The following SLC39A13 variants were observed in gnomAD, a reference collection of about 807,000 sequenced individuals.
SLC39A13 encodes the protein solute carrier family 39 member 13, also known as zinc transporter ZIP13.
A neutral mutation model predicts 38.7 loss-of-function variants in SLC39A13; 18 were observed. The observed-to-expected ratio is 0.47, with a 90% CI of 0.32 to 0.69. The LOEUF (loss-of-function observed/expected upper bound fraction) is 0.69. SLC39A13 is among the 30% of genes least tolerant of loss of function. SLC39A13 has a pLI of 0.03. For synonymous variants in SLC39A13, 212 were observed against 219.1 expected (o/e 0.97, Z 0.29); for missense variants, 395 against 490.7 (o/e 0.80, Z 1.84).
upstream of SLC39A13, among the ~76,000 whole-genome samples, chr11:47,407,962 C>G (rs1386477687): frequency 6.6e-6 from 1 of 152,260 alleles, no homozygotes; most frequent in Admixed American, 6.5e-5. Context: ...AGCCACCATG[C>G]ATTGGACCCC....
chr11:47,410,002 G>A (rs752054497), intron 1 of SLC39A13, 85 bp from the exon 2 acceptor site: 25 of 1,535,050 alleles, frequency 1.6e-5, no homozygotes, highest in African/African-American at 2.7e-5. Flanking sequence ...AGGGTCCCTT[G>A]CGGGGAGGAG....
At chr11:47,415,013 G>GCA (rs771669833) in intron 8 of SLC39A13, 26 bp from the exon 9 acceptor site, 38 of 1,612,274 alleles carry the variant, frequency 2.4e-5, no homozygotes, top group Non-Finnish European at 2.8e-5. Flanking sequence ...GAGGTGGGGA[G>GCA]CACACACAGT....
chr11:47,415,279 T>TC lies in SLC39A13; in HGVS notation c.1041-5dup. The TC allele has an allele frequency of 1.9e-6, 3 of 1,613,866 alleles. No individual in the cohort carries two copies. The highest frequency in any genetic ancestry group is 2.5e-6 in the Non-Finnish European group (3 of 1,179,994). ...CATGCCTCCACCGTGAGCCGTTCCC[T>TC]CCCCACAGGCGCTCCCTGCAGCAGC... On this transcript the variant is annotated splice_polypyrimidine_tract_variant and intron_variant, in intron 9 of 9. Transcript: ENST00000362021.
chr11:47,415,248 C>G (rs367544884), intron 9 of SLC39A13, 40 bp from the exon 10 acceptor site: 3 of 1,613,532 alleles, frequency 1.9e-6, no homozygotes, highest in African/African-American at 1.3e-5. Flanking sequence ...GCCTGCTCCC[C>G]CTGCCCATGC....
chr11:47,415,497 G>A lies in SLC39A13; in HGVS notation c.*134G>A, dbSNP rs1565669903. On this transcript the variant is annotated 3_prime_UTR_variant, in exon 10 of 10. Transcript: ENST00000362021. ...GAGCCTCCCGCCAGACAGGAGGGAG[G>A]TGCGTGTGGATGTATGTGGTGTGCA... The A allele has an allele frequency of 1.0e-6, 1 of 990,338 alleles. No individual in the cohort carries two copies. The highest frequency in any genetic ancestry group is 1.6e-6 in the Non-Finnish European group (1 of 637,464). 61.3% of individuals were successfully genotyped at this position (990,338 alleles called of 1,614,324 possible). A position where few individuals can be genotyped will look rare whatever the true frequency, so the allele number is the denominator to read the frequency against.
chr11:47,410,462 G>A (rs2153292142), intron 2 of SLC39A13, 67 bp downstream of exon 2: 1 of 1,573,298 alleles, frequency 6.4e-7, no homozygotes, highest in Non-Finnish European at 8.7e-7. Flanking sequence ...GCTCTTCTTA[G>A]GAGACCCCAG....
intron 6 of SLC39A13, 177 bp from the exon 7 acceptor site, chr11:47,414,248 G>A (rs1007236231): frequency 3.9e-5 from 27 of 692,686 alleles, no homozygotes; most frequent in Admixed American, 2.8e-4. Flanking sequence ...CCTCTATACC[G>A]CTAGCTTCGT....
chr11:47,407,926 G>T (rs1360799401), upstream of SLC39A13, among the ~76,000 whole-genome samples: 2 of 152,224 alleles, frequency 1.3e-5, no homozygotes, highest in African/African-American at 4.8e-5. Flanking sequence ...CGCCTCCCAG[G>T]TTTGGAGTTC....
chr11:47,408,529 TGGCCGCGCGCCGGGGGC>T (rs1471088696), upstream of SLC39A13: 19 of 146,822 alleles, frequency 1.3e-4, no homozygotes, highest in African/African-American at 4.7e-4. Flanking sequence ...CCTTGTGACG[TGGCCGCGCGCCGGGGGC>T]GGCCCCGGGC....
At chr11:47,412,099 G>C in intron 3 of SLC39A13, 60 bp downstream of exon 3, 1 of 1,525,386 alleles carries the variant, frequency 6.6e-7, no homozygotes, top group Non-Finnish European at 8.9e-7. Context: ...TGGTGCCCAC[G>C]CCCAGGGATG....
intron 2 of SLC39A13, among the ~76,000 whole-genome samples, chr11:47,410,759 C>T (rs1029063949): frequency 6.6e-6 from 1 of 152,200 alleles, no homozygotes; most frequent in African/African-American, 2.4e-5. Context: ...TAAGAATGCA[C>T]GTGCCTATCC....
Position 47,415,075 on chromosome 11 carries a change from G to T in SLC39A13, c.956G>T (p.Trp319Leu). Residue 319 changes from tryptophan (W) to leucine (L), a missense_variant, in exon 9 of 10, where the codon TGG becomes TTG. By Grantham distance (61) the Trp-to-Leu change is moderately conservative (BLOSUM62 -2). Coordinates refer to ENST00000362021, the MANE Select transcript of SLC39A13 (RefSeq NM_001128225.3). ...CCCGCTGCAGAGGAGACGGCAGCCT[G>T]GGTCCTGCCCTTCACCTCTGGCGGC... The part of the protein sequence containing the change: ...CSPAAEETAA[W>L]VLPFTSGGFL... 6.2e-7 allele frequency: 1 copy of T among 1,613,460 alleles called. No homozygotes were observed. The highest frequency in any genetic ancestry group is 2.2e-5 in the East Asian group (1 of 44,824).
chr11:47,411,678 A>C (rs756211581), intron 2 of SLC39A13, among the ~76,000 whole-genome samples: 1 of 152,264 alleles, frequency 6.6e-6, no homozygotes, highest in Non-Finnish European at 1.5e-5. Flanking sequence ...CTCCAAAGTC[A>C]TCTGCCAAGG....
intron 2 of SLC39A13, 49 bp from the exon 3 acceptor site, chr11:47,411,877 C>CA (rs2096000898): frequency 6.4e-7 from 1 of 1,563,438 alleles, no homozygotes; most frequent in Non-Finnish European, 8.7e-7. Flanking sequence ...AAGGTCAGGC[C>CA]AGGAGCTCCA....
chr11:47,413,159 C>G (rs150418761), intron 4 of SLC39A13, among the ~76,000 whole-genome samples: 1,919 of 152,234 alleles, frequency 0.013, 42 homozygotes, highest in African/African-American at 0.043. Context: ...GTAGCTGGGA[C>G]CACGCCCAGC....
Position 47,415,868 on chromosome 11 carries a change from C to G in SLC39A13, c.*505C>G. 4.3e-6 allele frequency: 1 copy of G among 233,266 alleles called. No homozygotes were observed. 14.4% of individuals were successfully genotyped at this position (233,266 alleles called of 1,614,324 possible). A position where few individuals can be genotyped will look rare whatever the true frequency, so the allele number is the denominator to read the frequency against. ...TTTCCTGGCCCTTCCTTCCCCACTTCTAAGCCAAAGAAAGGAGAGGCAGGT... is the reference window on the plus strand; with the variant it reads ...TTTCCTGGCCCTTCCTTCCCCACTTGTAAGCCAAAGAAAGGAGAGGCAGGT... On this transcript the variant is annotated 3_prime_UTR_variant, in exon 10 of 10. Coordinates refer to ENST00000362021, the MANE Select transcript of SLC39A13 (RefSeq NM_001128225.3).
intron 2 of SLC39A13, among the ~76,000 whole-genome samples, chr11:47,411,448 T>C (rs1247236477): frequency 6.6e-6 from 1 of 151,944 alleles, no homozygotes; most frequent in African/African-American, 2.4e-5. Flanking sequence ...CTACCAAAAA[T>C]ACAAAAATTA....
intron 9 of SLC39A13, 55 bp from the exon 10 acceptor site, chr11:47,415,233 C>T (rs2153301948): frequency 1.2e-6 from 2 of 1,613,332 alleles, no homozygotes; most frequent in East Asian, 2.2e-5. Context: ...GGGCTCCTGG[C>T]CGCTGCCTGC....
At chr11:47,414,102 G>A (rs2096013660) in intron 6 of SLC39A13, 2 of 606,958 alleles carry the variant, frequency 3.3e-6, no homozygotes, top group East Asian at 2.7e-5. Context: ...TTGGGGCCTC[G>A]ACTTACATGG....
Sources: allele counts gnomAD v4.1 joint callset (sites outside exome capture counted in the v4.1 genomes callset), GRCh38; gene constraint gnomAD v4.1.1; transcripts MANE v1.5; gene names NCBI Gene and HGNC (gene_info 2026-07-23, HGNC 2026-07-21).